THSD7A: variants seen among roughly 807,000 people sequenced by gnomAD.
THSD7A encodes thrombospondin type 1 domain containing 7A.
THSD7A carries 96 observed loss-of-function variants against 231.3 expected under a neutral mutation model. The ratio of observed to expected loss-of-function variants is 0.41; its 90% CI spans 0.35 to 0.49. The LOEUF (loss-of-function observed/expected upper bound fraction) is 0.49, where lower values mean the gene tolerates loss of function less well. Among genes scored for constraint, THSD7A ranks in the 20% least tolerant of loss-of-function variants. THSD7A has a pLI of 0.05. For missense variants in THSD7A, 2,290 were observed against 2,070.2 expected, an observed-to-expected ratio of 1.11 and a Z score of -2.06; for synonymous variants, 940 against 743.3, an observed-to-expected ratio of 1.26 and a Z score of -4.30.
chr7:11,500,213 A>T (rs1213527100), intron 6 of THSD7A, among the ~76,000 whole-genome samples: 1 of 152,176 alleles, frequency 6.6e-6, no homozygotes, highest in Admixed American at 6.5e-5. Context: ...AACACTTTCA[A>T]ATCTAGCCAA....
intron 6 of THSD7A, among the ~76,000 whole-genome samples, chr7:11,510,888 CT>C (rs1787779401): frequency 6.6e-6 from 1 of 152,068 alleles, no homozygotes; most frequent in African/African-American, 2.4e-5. Flanking sequence ...CAGGGATGCC[CT>C]CTCTCACCTC....
intron 4 of THSD7A, among the ~76,000 whole-genome samples, chr7:11,566,928 C>G (rs1334496572): frequency 1.6e-5 from 2 of 121,248 alleles, no homozygotes; most frequent in African/African-American, 3.6e-5. Flanking sequence ...GCTGATAAAA[C>G]CGCATCTCAG....
rs1192030131 is a variant in THSD7A at position 11,406,364 on chromosome 7, A to T, written c.4173T>A (p.Ile1391=). 1.9e-6 allele frequency: 3 copies of T among 1,613,870 alleles called. No homozygotes were observed. The highest frequency in any genetic ancestry group is 2.5e-6 in the Non-Finnish European group (3 of 1,179,876). The stretch of plus-strand genomic sequence containing the variant: ...TTTTATTACCATCTATAATGAGTTC[A>T]ATGTCAGCACAGAATTCCTCATCCA... The part of the protein sequence containing the change: ...KVVDEEFCAD[I]ELIIDGNKNM... The change falls in exon 22 of 28, where the codon ATT becomes ATA. Residue 1391 remains isoleucine (I), a synonymous_variant. Coordinates refer to ENST00000423059, the MANE Select transcript of THSD7A (RefSeq NM_015204.3). This position sits in a 1 kb window ranked among gnomAD's most constrained non-coding sequence, Gnocchi z 4.7.
intron 1 of THSD7A, among the ~76,000 whole-genome samples, chr7:11,777,229 T>C (rs1445935077): frequency 6.6e-6 from 1 of 152,120 alleles, no homozygotes; most frequent in Non-Finnish European, 1.5e-5. Context: ...TTGGTGCCAT[T>C]TGACAACATT....
intron 4 of THSD7A, among the ~76,000 whole-genome samples, chr7:11,587,004 C>G (rs537229477): frequency 6.6e-6 from 1 of 152,274 alleles, no homozygotes; most frequent in South Asian, 2.1e-4. Flanking sequence ...CTATAAGTCA[C>G]TGTAAACTTA....
chr7:11,390,028 A>G (rs907295261), intron 23 of THSD7A, among the ~76,000 whole-genome samples: 1 of 151,934 alleles, frequency 6.6e-6, no homozygotes, highest in Non-Finnish European at 1.5e-5. Flanking sequence ...TGACCTTTCT[A>G]TCTGGCTGCC....
chr7:11,721,460 T>C (rs1262122329), intron 1 of THSD7A, among the ~76,000 whole-genome samples: 1 of 151,858 alleles, frequency 6.6e-6, no homozygotes, highest in African/African-American at 2.4e-5. Flanking sequence ...CTTTGCCTTC[T>C]GCCATGACTG....
intron 8 of THSD7A, among the ~76,000 whole-genome samples, chr7:11,472,083 A>G (rs1038042290): frequency 6.6e-6 from 1 of 152,170 alleles, no homozygotes; most frequent in African/African-American, 2.4e-5. Flanking sequence ...ATTACAAACA[A>G]CAAAGTTGTT....
chr7:11,509,909 C>G (rs1562669913), intron 6 of THSD7A, among the ~76,000 whole-genome samples: 1 of 150,658 alleles, frequency 6.6e-6, no homozygotes, highest in Non-Finnish European at 1.5e-5. Context: ...ATCAGCATTA[C>G]TGTTCTCACC....
At position 11,379,222 on chromosome 7, in the gene THSD7A, A is replaced by G. The variant is rs768041656; in HGVS notation, c.4649T>C (p.Leu1550Pro). The change falls in exon 26 of 28, where the codon CTT becomes CCT. Residue 1550 changes from leucine (L) to proline (P), a missense_variant. By Grantham distance (98) the Leu-to-Pro change is moderately conservative. Coordinates refer to ENST00000423059, the MANE Select transcript of THSD7A (RefSeq NM_015204.3). ...CACGGGGATAAGTGTGCATTGCTCAAGGGTGCTGTTAGAAGACATGACTTC... is the reference window on the plus strand; with the variant it reads ...CACGGGGATAAGTGTGCATTGCTCAGGGGTGCTGTTAGAAGACATGACTTC... The part of the protein sequence containing the change: ...YTEVMSSNST[L>P]EQCTLIPVVV... 58 of 1,613,556 alleles carry G rather than the reference A, an allele frequency of 3.6e-5. No individual in the cohort carries two copies. In the East Asian group the frequency reaches 5.8e-4, roughly 16 times the overall value.
At chr7:11,829,488 G>C (rs1047869282) in intron 1 of THSD7A, among the ~76,000 whole-genome samples, 1 of 152,074 alleles carries the variant, frequency 6.6e-6, no homozygotes, top group East Asian at 1.9e-4. Flanking sequence ...TCCTGTCCCA[G>C]ATCTTCATCC....
At chr7:11,463,674 C>G (rs1785590167) in intron 9 of THSD7A, among the ~76,000 whole-genome samples, 1 of 152,030 alleles carries the variant, frequency 6.6e-6, no homozygotes. Context: ...GAATTGGGGG[C>G]TAGAAGTATT....
At chr7:11,769,566 G>C (rs546856216) in intron 1 of THSD7A, among the ~76,000 whole-genome samples, 2 of 151,918 alleles carry the variant, frequency 1.3e-5, no homozygotes, top group African/African-American at 4.8e-5. Context: ...ACTTTTCTAA[G>C]CAAAATTCTG....
At chr7:11,412,146 T>C (rs565359506) in intron 18 of THSD7A, among the ~76,000 whole-genome samples, 2 of 152,306 alleles carry the variant, frequency 1.3e-5, no homozygotes, top group African/African-American at 4.8e-5. Context: ...ATGCAACTTA[T>C]AATAAATCTG....
intron 11 of THSD7A, among the ~76,000 whole-genome samples, chr7:11,455,802 T>C (rs1281640476): frequency 6.6e-6 from 1 of 152,024 alleles, no homozygotes; most frequent in African/African-American, 2.4e-5. Context: ...CGAATGTCAG[T>C]GCTGAGATCA....
intron 1 of THSD7A, among the ~76,000 whole-genome samples, chr7:11,823,734 C>T (rs931219447): frequency 1.1e-4 from 17 of 151,738 alleles, no homozygotes; most frequent in Admixed American, 5.3e-4. Flanking sequence ...GGATTATTTT[C>T]TTGATTTCTT....
intron 1 of THSD7A, among the ~76,000 whole-genome samples, chr7:11,789,640 T>G (rs1783890262): frequency 1.3e-5 from 2 of 152,036 alleles, no homozygotes; most frequent in Admixed American, 1.3e-4. Context: ...CAGTACTATA[T>G]TGTTAACTAT....
intron 1 of THSD7A, among the ~76,000 whole-genome samples, chr7:11,647,893 T>C (rs1415538618): frequency 2.0e-5 from 3 of 152,044 alleles, no homozygotes; most frequent in South Asian, 2.1e-4. Context: ...CCATCCCTGA[T>C]ACAATGGCCA....
chr7:11,389,358 C>T (rs769868340), intron 23 of THSD7A, among the ~76,000 whole-genome samples: 15 of 140,814 alleles, frequency 1.1e-4, no homozygotes, highest in East Asian at 2.3e-4. Flanking sequence ...TGCCCTTCTT[C>T]GTCTCTTTTG....
Sources: gnomAD v4.1 joint callset for allele counts (sites outside exome capture counted in the v4.1 genomes callset) on GRCh38, gnomAD v4.1.1 for gene constraint, Gnocchi (gnomAD v3.1) non-coding constraint, MANE v1.5 for transcripts, NCBI Gene and HGNC (gene_info 2026-07-23, HGNC 2026-07-21) for gene names.